MMP16: variants seen among roughly 807,000 people sequenced by gnomAD.
The protein encoded by MMP16 is matrix metallopeptidase 16.
MMP16 carries 12 observed loss-of-function variants against 67.8 expected under a neutral mutation model. The observed-to-expected ratio is 0.18, with a 90% CI of 0.11 to 0.29. The LOEUF (loss-of-function observed/expected upper bound fraction) is 0.29, where lower values mean the gene tolerates loss of function less well. Ranked by LOEUF, MMP16 falls within the 10% of genes least tolerant of loss-of-function variation. The pLI is 1.00. For missense variants in MMP16, 475 were observed against 765.7 expected, an observed-to-expected ratio of 0.62 and a Z score of 4.48; for synonymous variants, 249 against 255.9, an observed-to-expected ratio of 0.97 and a Z score of 0.26.
At chr8:88,190,024 A>G (rs148733598) in intron 2 of MMP16, among the ~76,000 whole-genome samples, 1 of 152,254 alleles carries the variant, frequency 6.6e-6, no homozygotes, top group Non-Finnish European at 1.5e-5. Flanking sequence ...TGAGGACTTC[A>G]TAACTTTTTC....
At chr8:88,213,106 G>T (rs1259424959) in intron 1 of MMP16, among the ~76,000 whole-genome samples, 1 of 152,092 alleles carries the variant, frequency 6.6e-6, no homozygotes, top group African/African-American at 2.4e-5. Flanking sequence ...CTAAAACAAT[G>T]CATGCTAAAT....
intron 1 of MMP16, among the ~76,000 whole-genome samples, chr8:88,315,847 G>A (rs182709879): frequency 2.0e-5 from 3 of 152,268 alleles, no homozygotes; most frequent in East Asian, 3.9e-4. Flanking sequence ...CCAAGAGCTA[G>A]GCCTCCTTCA....
At chr8:88,188,567 A>G (rs191471433) in intron 2 of MMP16, among the ~76,000 whole-genome samples, 156 of 152,330 alleles carry the variant, frequency 1.0e-3, no homozygotes, top group African/African-American at 3.6e-3. Flanking sequence ...TATGTATAAA[A>G]TTGAAAAATG....
At chr8:88,180,281 CAA>C (rs529836286) in intron 3 of MMP16, among the ~76,000 whole-genome samples, 1 of 123,504 alleles carries the variant, frequency 8.1e-6, no homozygotes. Context: ...AACTCCGTCT[CAA>C]AAAAAAAAAA....
At chr8:88,176,747 C>G (rs751762119) in intron 3 of MMP16, among the ~76,000 whole-genome samples, 1 of 152,118 alleles carries the variant, frequency 6.6e-6, no homozygotes, top group African/African-American at 2.4e-5. Context: ...GGATCTGTTT[C>G]CATGATCTAT....
chr8:88,282,724 G>T (rs1810760979), intron 1 of MMP16, among the ~76,000 whole-genome samples: 1 of 152,062 alleles, frequency 6.6e-6, no homozygotes, highest in Non-Finnish European at 1.5e-5. Context: ...CAATGAATGT[G>T]TTTTGTTTTG....
intron 4 of MMP16, among the ~76,000 whole-genome samples, chr8:88,124,526 G>A (rs147958471): frequency 4.6e-4 from 70 of 151,928 alleles, no homozygotes; most frequent in African/African-American, 1.6e-3. Flanking sequence ...CACTTTTTCC[G>A]TAGCCCTAAA....
chr8:88,300,667 ATATGTAGGGTTTGGTACTATTG>A (rs1811083702), intron 1 of MMP16, among the ~76,000 whole-genome samples: 1 of 152,222 alleles, frequency 6.6e-6, no homozygotes. Context: ...AAAAAAATAT[ATATGTAGGGTTTGGTACTATTG>A]CTGGTTTCAG....
At chr8:88,051,167 T>C (rs1302512606) in intron 8 of MMP16, among the ~76,000 whole-genome samples, 1 of 152,188 alleles carries the variant, frequency 6.6e-6, no homozygotes, top group Non-Finnish European at 1.5e-5. Flanking sequence ...TAAAAGGTGC[T>C]GAGGCTTACT....
At chr8:88,110,151 A>C (rs1809309410) in intron 6 of MMP16, among the ~76,000 whole-genome samples, 1 of 151,328 alleles carries the variant, frequency 6.6e-6, no homozygotes, top group African/African-American at 2.4e-5. Context: ...AAGTATCCAA[A>C]TATATGCTCA....
At chr8:88,175,554 C>T (rs192056420) in intron 3 of MMP16, among the ~76,000 whole-genome samples, 57 of 152,270 alleles carry the variant, frequency 3.7e-4, no homozygotes, top group African/African-American at 1.3e-3. Flanking sequence ...CACTCTCAAC[C>T]AATTTCTGCA....
intron 1 of MMP16, among the ~76,000 whole-genome samples, chr8:88,322,899 G>C: frequency 6.6e-6 from 1 of 152,054 alleles, no homozygotes; most frequent in East Asian, 1.9e-4. Flanking sequence ...TGTAGGAGAA[G>C]CTAGAGAACC....
At chr8:88,316,624 G>C (rs181077946) in intron 1 of MMP16, among the ~76,000 whole-genome samples, 3 of 152,158 alleles carry the variant, frequency 2.0e-5, no homozygotes, top group Non-Finnish European at 4.4e-5. Flanking sequence ...CAACATATCT[G>C]GTCACCCAGA....
At chr8:88,218,840 A>G (rs559041142) in intron 1 of MMP16, among the ~76,000 whole-genome samples, 3 of 152,168 alleles carry the variant, frequency 2.0e-5, no homozygotes, top group Admixed American at 1.3e-4. Flanking sequence ...AACTACAGAA[A>G]AAGACCCAAT....
intron 9 of MMP16, among the ~76,000 whole-genome samples, chr8:88,044,871 A>G (rs922532413): frequency 6.6e-6 from 1 of 152,046 alleles, no homozygotes; most frequent in African/African-American, 2.4e-5. Context: ...ACATTTTTTC[A>G]TTTCTTTGTC....
chr8:88,197,548 T>C (rs1809276632), intron 1 of MMP16, among the ~76,000 whole-genome samples: 1 of 152,162 alleles, frequency 6.6e-6, no homozygotes, highest in Non-Finnish European at 1.5e-5. Flanking sequence ...AAAGAGTAAT[T>C]ATTTGTTGCA....
At chr8:88,226,106 TAC>T (rs1809765006) in intron 1 of MMP16, among the ~76,000 whole-genome samples, 2 of 151,802 alleles carry the variant, frequency 1.3e-5, no homozygotes, top group African/African-American at 2.4e-5. Flanking sequence ...GTCGTGTGTA[TAC>T]ACACACACGC....
intron 4 of MMP16, among the ~76,000 whole-genome samples, chr8:88,137,429 C>T (rs1432003982): frequency 1.3e-5 from 2 of 151,980 alleles, no homozygotes; most frequent in African/African-American, 4.8e-5. Context: ...ACTTTCAATG[C>T]TGACATTGAG....
In MMP16 at chr8:88,056,249, T is replaced by C. The variant is rs770102092; in HGVS notation, c.1252A>G (p.Thr418Ala). ...TCATGAGGGTAACCAGGTTGAAGAG[T>C]TGTATCCTTGAACACCCAATATTTG... is the stretch of plus-strand genomic sequence containing the variant. ...GNKYWVFKDT[T>A]LQPGYPHDLI... Residue 418 changes from threonine (T) to alanine (A), a missense_variant, in exon 8 of 10, where the codon ACT (threonine) becomes GCT (alanine). Transcript: ENST00000286614. The C allele has an allele frequency of 2.5e-6, 4 of 1,589,432 alleles. No homozygotes were observed. Among genetic ancestry groups the C allele is most frequent in the Admixed American group, 3.5e-5 (2 of 57,634 alleles).
Sources: allele counts gnomAD v4.1 joint callset (sites outside exome capture counted in the v4.1 genomes callset), GRCh38; gene constraint gnomAD v4.1.1; transcripts MANE v1.5; gene names NCBI Gene and HGNC (gene_info 2026-07-23, HGNC 2026-07-21).